Variants in SPATS2 observed in about 807,000 individuals in gnomAD.
SPATS2 encodes spermatogenesis-associated serine-rich protein 2.
In SPATS2, 38 loss-of-function variants were observed where a neutral mutation model predicts 63.7. That is an observed-to-expected ratio of 0.60 (90% CI 0.46 to 0.78). The LOEUF (loss-of-function observed/expected upper bound fraction) is 0.78, where lower values mean the gene tolerates loss of function less well. Ranked by LOEUF, SPATS2 falls within the 30% of genes least tolerant of loss-of-function variation. The pLI, the probability that SPATS2 is intolerant of heterozygous loss-of-function variation, is 0.00. For missense variants in SPATS2, 588 were observed against 666.2 expected (o/e 0.88, Z 1.29); for synonymous variants, 207 against 232.9 (o/e 0.89, Z 1.01).
At chr12:49,516,710 TA>T (rs113290886) in intron 10 of SPATS2, among the ~76,000 whole-genome samples, 34,590 of 134,204 alleles carry the variant, frequency 0.26, 6,587 homozygotes, top group African/African-American at 0.56. Context: ...ATCTCAAAAC[TA>T]AAAAAAAAAA....
At chr12:49,517,520 TG>T (rs1459311584) in intron 10 of SPATS2, among the ~76,000 whole-genome samples, 2 of 152,282 alleles carry the variant, frequency 1.3e-5, no homozygotes, top group African/African-American at 2.4e-5. Flanking sequence ...CCTAAATAAA[TG>T]TGAGTGTCCT....
intron 2 of SPATS2, among the ~76,000 whole-genome samples, chr12:49,437,043 C>G (rs1168954540): frequency 2.6e-5 from 4 of 151,806 alleles, no homozygotes; most frequent in South Asian, 2.1e-4. Context: ...GGGGTGGCTG[C>G]CGGGTGGAGA....
intron 9 of SPATS2, among the ~76,000 whole-genome samples, chr12:49,509,709 C>T (rs754257353): frequency 1.3e-5 from 2 of 150,004 alleles, no homozygotes; most frequent in East Asian, 4.0e-4. Flanking sequence ...CCCAGCTACT[C>T]GGGAGGCTGA....
intron 3 of SPATS2, chr12:49,463,249 C>CA (rs774893533): frequency 0.018 from 2,391 of 133,446 alleles, 53 homozygotes; most frequent in African/African-American, 0.057. Flanking sequence ...ACTAAAAATA[C>CA]AAAAAAAAAA....
intron 2 of SPATS2, among the ~76,000 whole-genome samples, chr12:49,445,390 AATTGGTTTTTGC>A (rs1385515831): frequency 1.3e-5 from 2 of 152,080 alleles, no homozygotes; most frequent in African/African-American, 4.8e-5. Flanking sequence ...GTGTTACATT[AATTGGTTTTTGC>A]ATGTTAAGCC....
chr12:49,478,994 A>C (rs532590785), intron 3 of SPATS2, among the ~76,000 whole-genome samples: 7 of 152,032 alleles, frequency 4.6e-5, no homozygotes, highest in Non-Finnish European at 7.3e-5. Flanking sequence ...AGCTCTCAGC[A>C]GAGAGGAGGC....
chr12:49,517,076 A>G (rs1946863349), intron 10 of SPATS2, among the ~76,000 whole-genome samples: 1 of 152,224 alleles, frequency 6.6e-6, no homozygotes, highest in Non-Finnish European at 1.5e-5. Flanking sequence ...TGTTACGTGT[A>G]GAAAGCTTTT....
At chr12:49,403,447 G>A (rs1315500573) in intron 2 of SPATS2, among the ~76,000 whole-genome samples, 1 of 152,082 alleles carries the variant, frequency 6.6e-6, no homozygotes, top group Non-Finnish European at 1.5e-5. Flanking sequence ...GGACAACATG[G>A]TGAAATCCCG....
At chr12:49,497,151 C>T in intron 8 of SPATS2, 142 bp downstream of exon 8, 1 of 791,994 alleles carries the variant, frequency 1.3e-6, no homozygotes, top group Non-Finnish European at 1.9e-6. Flanking sequence ...TGACTGACTA[C>T]TCAGCCCTTC....
At chr12:49,398,672 TA>T (rs1944555396) in intron 2 of SPATS2, among the ~76,000 whole-genome samples, 1 of 152,208 alleles carries the variant, frequency 6.6e-6, no homozygotes, top group South Asian at 2.1e-4. Flanking sequence ...CTGGAAAATT[TA>T]ATTGATGGTA....
At chr12:49,512,396 T>G (rs1263986538) in intron 9 of SPATS2, among the ~76,000 whole-genome samples, 1 of 152,222 alleles carries the variant, frequency 6.6e-6, no homozygotes, top group African/African-American at 2.4e-5. Context: ...TTAATTTTAA[T>G]TTTTGTGGGT....
At chr12:49,437,935 T>C (rs1312956058) in intron 2 of SPATS2, among the ~76,000 whole-genome samples, 1 of 152,214 alleles carries the variant, frequency 6.6e-6, no homozygotes, top group Non-Finnish European at 1.5e-5. Flanking sequence ...TTGAAGTTTT[T>C]TCCCTAGATT....
At chr12:49,502,612 A>G (rs914714148) in intron 9 of SPATS2, among the ~76,000 whole-genome samples, 7 of 151,934 alleles carry the variant, frequency 4.6e-5, no homozygotes, top group African/African-American at 1.7e-4. Context: ...ATGTGCCACC[A>G]CACCTGGCTA....
At chr12:49,465,207 C>T (rs1350939474) in intron 3 of SPATS2, among the ~76,000 whole-genome samples, 1 of 152,128 alleles carries the variant, frequency 6.6e-6, no homozygotes, top group East Asian at 1.9e-4. Context: ...CATGTGTTTG[C>T]ATTTCTCTTG....
In SPATS2 at chr12:49,379,493, A is replaced by G. The variant is rs549780273; in HGVS notation, c.-244+8203A>G. On this transcript the variant is annotated intron_variant, in intron 2 of 13. Coordinates refer to ENST00000552918, the MANE Select transcript of SPATS2 (RefSeq NM_023071.4). Reference sequence around the variant, plus strand: ...GTGAACCCGGGAGGCAGAGGTTGCAATGAGCCGCGATCACGCCACTGCACT... The same window carrying G: ...GTGAACCCGGGAGGCAGAGGTTGCAGTGAGCCGCGATCACGCCACTGCACT... 2.0e-3 allele frequency among the ~76,000 whole-genome samples: 277 copies of G among 141,432 alleles called. 2 individuals are homozygous for G. The highest frequency in any genetic ancestry group is 6.9e-3 in the African/African-American group (266 of 38,360). 92.8% of individuals were successfully genotyped at this position (141,432 alleles called of 152,430 possible).
intron 2 of SPATS2, among the ~76,000 whole-genome samples, chr12:49,438,902 C>T (rs1377371577): frequency 1.3e-5 from 2 of 152,146 alleles, no homozygotes; most frequent in African/African-American, 4.8e-5. Flanking sequence ...TAATCAAAGG[C>T]TCTGTCCTCA....
At chr12:49,469,764 T>C (rs1946002205) in intron 3 of SPATS2, among the ~76,000 whole-genome samples, 1 of 151,428 alleles carries the variant, frequency 6.6e-6, no homozygotes, top group Non-Finnish European at 1.5e-5. Context: ...GCTGCACGCC[T>C]GTAATCCCAG....
intron 10 of SPATS2, among the ~76,000 whole-genome samples, chr12:49,517,399 TCTTTA>T (rs1475074490): frequency 6.6e-6 from 1 of 152,194 alleles, no homozygotes. Flanking sequence ...CTGGTGTAAC[TCTTTA>T]AAACTTCTGT....
intron 3 of SPATS2, chr12:49,462,386 C>T: frequency 1.4e-6 from 1 of 702,422 alleles, no homozygotes. Flanking sequence ...TGGCAGCATC[C>T]AGGCTGTGGG....
Sources: allele counts gnomAD v4.1 joint callset (sites outside exome capture counted in the v4.1 genomes callset), GRCh38; gene constraint gnomAD v4.1.1; transcripts MANE v1.5; gene names NCBI Gene and HGNC (gene_info 2026-07-23, HGNC 2026-07-21).